The following FZR1 variants were observed in gnomAD, a reference collection of about 807,000 sequenced individuals.
FZR1 encodes the protein fizzy-related protein homolog.
FZR1 carries 11 observed loss-of-function variants against 63.6 expected under a neutral mutation model. The ratio of observed to expected loss-of-function variants is 0.17; its 90% CI spans 0.11 to 0.29. The LOEUF (loss-of-function observed/expected upper bound fraction) is 0.29, where lower values mean the gene tolerates loss of function less well. FZR1 is among the 10% of genes least tolerant of loss of function. The pLI is 1.00. For synonymous variants in FZR1, 328 were observed against 297.9 expected (o/e 1.10, Z -1.04); for missense variants, 440 against 687.5 (o/e 0.64, Z 4.03).
chr19:3,527,880 C>T (rs954998892), intron 7 of FZR1, 66 bp downstream of exon 7: 2 of 1,287,458 alleles, frequency 1.6e-6, no homozygotes, highest in Admixed American at 1.9e-5. Flanking sequence ...CCTCAATGTA[C>T]CCACCGGGAT....
chr19:3,529,921 T>G (rs1359167651), intron 7 of FZR1, among the ~76,000 whole-genome samples: 1 of 53,444 alleles, frequency 1.9e-5, no homozygotes, highest in Admixed American at 2.2e-4. Flanking sequence ...AGCGGATGGG[T>G]GAGCGGATGG....
At position 3,534,860 on chromosome 19, in the gene FZR1, C is replaced by G; in HGVS notation, c.*24C>G. The G allele has an allele frequency of 6.3e-7, 1 of 1,599,024 alleles. No homozygotes were observed. The highest frequency in any genetic ancestry group is 8.6e-7 in the Non-Finnish European group (1 of 1,167,902). ...AAACCTGCCGGGCAGGACCGTGCCA[C>G]ACCAGCTGTCCAGAGTCGGAGGACC... On this transcript the variant is annotated 3_prime_UTR_variant, in exon 14 of 14. Coordinates refer to ENST00000441788, the MANE Select transcript of FZR1 (RefSeq NM_016263.4).
chr19:3,510,499 TCTG>T (rs1321777721), intron 1 of FZR1, among the ~76,000 whole-genome samples: 1 of 152,166 alleles, frequency 6.6e-6, no homozygotes, highest in Non-Finnish European at 1.5e-5. Context: ...CACATTCCCT[TCTG>T]TTGTGAATCT....
In FZR1 at chr19:3,527,071, C is replaced by T. The variant is rs767250613; in HGVS notation, c.470+9C>T. The T allele has an allele frequency of 1.9e-6, 3 of 1,593,340 alleles. No homozygotes were observed. The highest frequency in any genetic ancestry group is 2.6e-6 in the Non-Finnish European group (3 of 1,162,116). On this transcript the variant is annotated intron_variant, in intron 6 of 13. Coordinates refer to ENST00000441788, the MANE Select transcript of FZR1 (RefSeq NM_016263.4). ...CCCGTCAGCAACAAGAGGTGGGTCC[C>T]AGCTTCCTCCGCAGCCCTCCCTACT...
At chr19:3,513,173 T>G (rs2083035747) in intron 1 of FZR1, among the ~76,000 whole-genome samples, 1 of 151,750 alleles carries the variant, frequency 6.6e-6, no homozygotes, top group Admixed American at 6.6e-5. Context: ...CTGTGAGGGC[T>G]GTTAGCCAGC....
At position 3,525,861 on chromosome 19, in the gene FZR1, C is replaced by G. The variant is rs536198860; in HGVS notation, c.70-7C>G. On this transcript the variant is annotated splice_polypyrimidine_tract_variant and splice_region_variant and intron_variant, in intron 2 of 13. Coordinates refer to ENST00000441788, the MANE Select transcript of FZR1 (RefSeq NM_016263.4). This position sits in a 1 kb window ranked among gnomAD's most constrained non-coding sequence, Gnocchi z 4.2. ...CTGAGAGCAAGCCCTCTGCTGATGC[C>G]CTTCAGGTCACAGAGATGCGGCGGA... 3 of 1,610,468 alleles carry G rather than the reference C, an allele frequency of 1.9e-6. No homozygotes were observed. The South Asian group carries it at 3.3e-5, about 18-fold the overall frequency.
rs1030747333 is a variant in FZR1 at position 3,514,921 on chromosome 19, G to T, written c.-34-8035G>T. Among the ~76,000 whole-genome samples the T allele has an allele frequency of 1.3e-5, 2 of 152,194 alleles. No homozygotes were observed. Among genetic ancestry groups the T allele is most frequent in the African/African-American group, 4.8e-5 (2 of 41,444 alleles). On this transcript the variant is annotated intron_variant, in intron 1 of 13. Coordinates refer to ENST00000441788, the MANE Select transcript of FZR1 (RefSeq NM_016263.4). The surrounding 1 kb of genome is among the most constrained non-coding windows in gnomAD (Gnocchi z 4.2). ...GGCAGTGGCAGAAGGAGGCCTCCTGGCTCTTCATTCTGGGGCCCAGGGGGT... is the reference window on the plus strand; with the variant it reads ...GGCAGTGGCAGAAGGAGGCCTCCTGTCTCTTCATTCTGGGGCCCAGGGGGT...
rs765108513 is a variant in FZR1, at chr19:3,527,833, G to A, written c.654+19G>A. The A allele has an allele frequency of 1.3e-6, 2 of 1,583,870 alleles. No individual in the cohort carries two copies. Among genetic ancestry groups the A allele is most frequent in the Non-Finnish European group, 1.7e-6 (2 of 1,156,880 alleles). The stretch of plus-strand genomic sequence containing the variant: ...CAGCCAGGTGGGTGCTGCGTGGGGT[G>A]TGCATGTGCATGGGGGCCTCCCCAG... On this transcript the variant is annotated intron_variant, in intron 7 of 13. Coordinates refer to ENST00000441788, the MANE Select transcript of FZR1 (RefSeq NM_016263.4).
chr19:3,514,900 G>A lies in FZR1; in HGVS notation c.-34-8056G>A, dbSNP rs967652524. ...CGAGACTGAAGGCTTGCCCGGGGCA[G>A]TGGCAGAAGGAGGCCTCCTGGCTCT... On this transcript the variant is annotated intron_variant, in intron 1 of 13. Coordinates refer to ENST00000441788, the MANE Select transcript of FZR1 (RefSeq NM_016263.4). The surrounding 1 kb of genome is among the most constrained non-coding windows in gnomAD (Gnocchi z 4.2). 2.0e-5 allele frequency among the ~76,000 whole-genome samples: 3 copies of A among 152,234 alleles called. No homozygotes were observed. Among genetic ancestry groups the A allele is most frequent in the African/African-American group, 7.2e-5 (3 of 41,460 alleles).
chr19:3,514,531 G>A lies in FZR1; in HGVS notation c.-35+8057G>A, dbSNP rs2083045122. Among the ~76,000 whole-genome samples the A allele has an allele frequency of 6.6e-6, 1 of 152,160 alleles. No homozygotes were observed. The highest frequency in any genetic ancestry group is 1.5e-5 in the Non-Finnish European group (1 of 68,018). Reference sequence around the variant, plus strand: ...CACCATATATCATACCCTGGGGGCAGAATCACCCTGGTTAAGACCCCCTGG... The same window carrying A: ...CACCATATATCATACCCTGGGGGCAAAATCACCCTGGTTAAGACCCCCTGG... On this transcript the variant is annotated intron_variant, in intron 1 of 13. Transcript: ENST00000441788. This position sits in a 1 kb window ranked among gnomAD's most constrained non-coding sequence, Gnocchi z 4.2.
rs542251671 is a variant in FZR1 at position 3,530,303 on chromosome 19, C to T, written c.655-489C>T. ...GCGGATGGGAGAGCGCAGGGGAGAG[C>T]GGAGGAGAGAGCGGAGGAGAGTGGT... On this transcript the variant is annotated intron_variant, in intron 7 of 13. Coordinates refer to ENST00000441788, the MANE Select transcript of FZR1 (RefSeq NM_016263.4). Among the ~76,000 whole-genome samples, 10 of 103,824 alleles carry T rather than the reference C, an allele frequency of 9.6e-5. 1 individual carries two copies. The highest frequency in any genetic ancestry group is 2.5e-4 in the African/African-American group (6 of 24,172). The allele number at this position is 103,824 out of a possible 152,430, so 68.1% of individuals were successfully genotyped here.
At chr19:3,529,099 T>A (rs1202011425) in intron 7 of FZR1, among the ~76,000 whole-genome samples, 59 of 46,622 alleles carry the variant, frequency 1.3e-3, no homozygotes, top group African/African-American at 3.6e-3. Context: ...AGCAGACGGT[T>A]GAGCGGATGG....
chr19:3,520,784 C>A (rs1027946875), intron 1 of FZR1, among the ~76,000 whole-genome samples: 2 of 152,232 alleles, frequency 1.3e-5, no homozygotes, highest in Admixed American at 1.3e-4. Flanking sequence ...TCAGGCCAAC[C>A]GCCTCAGTAT....
Position 3,525,752 on chromosome 19 carries a change from G to A in FZR1, c.70-116G>A, listed in dbSNP as rs1054124406. ...CCACCGCGCCTGGCCCACCCCTTGG[G>A]TTTTCAAGATCAAAGCCCCCTTTGC... On this transcript the variant is annotated intron_variant, in intron 2 of 13. Transcript: ENST00000441788. The surrounding 1 kb of genome is among the most constrained non-coding windows in gnomAD (Gnocchi z 4.2). 7.5e-7 allele frequency: 1 copy of A among 1,334,744 alleles called. No homozygotes were observed. The highest frequency in any genetic ancestry group is 1.0e-6 in the Non-Finnish European group (1 of 975,026). 82.7% of individuals were successfully genotyped at this position (1,334,744 alleles called of 1,614,324 possible).
At position 3,526,885 on chromosome 19, in the gene FZR1, G is replaced by A. The variant is rs1020366082; in HGVS notation, c.388-95G>A. On this transcript the variant is annotated intron_variant, in intron 5 of 13. Transcript: ENST00000441788. The surrounding 1 kb of genome is among the most constrained non-coding windows in gnomAD (Gnocchi z 5.4). ...CACAGGGTCTCAGCACCTGCCTTAG[G>A]GCTATGAGCTGTACCGGGAGCGTGG... 24 of 860,524 alleles carry A rather than the reference G, an allele frequency of 2.8e-5. No individual in the cohort carries two copies. The highest frequency in any genetic ancestry group is 1.2e-4 in the East Asian group (5 of 41,174). The allele number at this position is 860,524 out of a possible 1,614,324, so 53.3% of individuals were successfully genotyped here. A position where few individuals can be genotyped will look rare whatever the true frequency, so the allele number is the denominator to read the frequency against.
At position 3,506,351 on chromosome 19, in the gene FZR1, C is replaced by T. The variant is rs1382462815; in HGVS notation, c.-158C>T. The T allele has an allele frequency of 6.6e-6, 1 of 151,102 alleles. No individual in the cohort carries two copies. Among genetic ancestry groups the T allele is most frequent in the East Asian group, 1.9e-4 (1 of 5,136 alleles). The allele number at this position is 151,102 out of a possible 1,614,324, so 9.4% of individuals were successfully genotyped here. A position where few individuals can be genotyped will look rare whatever the true frequency, so the allele number is the denominator to read the frequency against. On this transcript the variant is annotated 5_prime_UTR_variant, in exon 1 of 14. Transcript: ENST00000441788. The stretch of plus-strand genomic sequence containing the variant: ...GCCGCCATATTAGGGACCGCGGAGC[C>T]CGGGATCCCGTCAGCGGCGGCCGCG...
rs2030049683 is a variant in FZR1 at position 3,537,933 on chromosome 19, G to A, written c.*3097G>A. 1 of 152,648 alleles carries A rather than the reference G, an allele frequency of 6.6e-6. No homozygotes were observed. The highest frequency in any genetic ancestry group is 1.5e-5 in the Non-Finnish European group (1 of 68,312). The allele number at this position is 152,648 out of a possible 1,614,324, so 9.5% of individuals were successfully genotyped here. A position where few individuals can be genotyped will look rare whatever the true frequency, so the allele number is the denominator to read the frequency against. ...ACCACAAGCCTGGCATTTCAGCCAG[G>A]GCTGGAGAAGGCAGGGACGCCTGGG... On this transcript the variant is annotated 3_prime_UTR_variant, in exon 14 of 14. Coordinates refer to ENST00000441788, the MANE Select transcript of FZR1 (RefSeq NM_016263.4).
At chr19:3,528,032 GCCCTCCCAA>G (rs1234818859) in intron 7 of FZR1, among the ~76,000 whole-genome samples, 1 of 151,126 alleles carries the variant, frequency 6.6e-6, no homozygotes, top group East Asian at 1.9e-4. Flanking sequence ...CCCAGCCACG[GCCCTCCCAA>G]CCCTCCCAGC....
chr19:3,506,547 C>T (rs911893379), intron 1 of FZR1, 73 bp downstream of exon 1: 3 of 151,924 alleles, frequency 2.0e-5, no homozygotes, highest in African/African-American at 7.3e-5. Context: ...CCCCCAAAAC[C>T]GGGACGGCGG....
Sources: allele counts gnomAD v4.1 joint callset (sites outside exome capture counted in the v4.1 genomes callset), GRCh38; gene constraint gnomAD v4.1.1; non-coding constraint Gnocchi (gnomAD v3.1); transcripts MANE v1.5; gene names NCBI Gene and HGNC (gene_info 2026-07-23, HGNC 2026-07-21).